The following SRSF5 variants were observed in gnomAD, a reference collection of about 807,000 sequenced individuals.
The protein encoded by SRSF5 is serine and arginine rich splicing factor 5.
SRSF5 carries 5 observed loss-of-function variants against 34.0 expected under a neutral mutation model. That is an observed-to-expected ratio of 0.15 (90% CI 0.08 to 0.31). The LOEUF (loss-of-function observed/expected upper bound fraction) is 0.31, where lower values mean the gene tolerates loss of function less well. SRSF5 is among the 10% of genes least tolerant of loss of function. SRSF5 has a pLI of 1.00. For synonymous variants in SRSF5, 164 were observed against 117.7 expected, an observed-to-expected ratio of 1.39 and a Z score of -2.55; for missense variants, 223 against 351.4, an observed-to-expected ratio of 0.63 and a Z score of 2.92.
At chr14:69,767,864 C>T (rs985283914) in intron 1 of SRSF5, 23 of 402,084 alleles carry the variant, frequency 5.7e-5, no homozygotes, top group South Asian at 4.5e-4. Context: ...GGGAGGGGGC[C>T]GGAGAGCCCG....
rs1264289767 is a variant in SRSF5 at position 69,768,783 on chromosome 14, C to T, written c.198-15C>T. On this transcript the variant is annotated splice_polypyrimidine_tract_variant and intron_variant, in intron 3 of 7. Transcript: ENST00000557154. ...GCTTAAGTGTGTAACGGAGATTTTT[C>T]TTCCCTTTTTGTAGGGTTACTATTG... 2 of 1,613,630 alleles carry T rather than the reference C, an allele frequency of 1.2e-6. No individual in the cohort carries two copies. The highest frequency in any genetic ancestry group is 8.5e-7 in the Non-Finnish European group (1 of 1,179,694).
Position 69,771,274 on chromosome 14 carries a change from C to G in SRSF5, c.632C>G (p.Ser211Cys), listed in dbSNP as rs1265006691. 6.2e-7 allele frequency: 1 copy of G among 1,614,124 alleles called. No homozygotes were observed. The highest frequency in any genetic ancestry group is 1.3e-5 in the African/African-American group (1 of 75,022). ...CGATCCCGTTCCCGTAGTCGCAAAT[C>G]TTACAGCCGGTCAAGAAGCAGGAGC... ...RSRSRSRSRKSYSRSRSRSRS... is the reference protein window; with the variant it reads ...RSRSRSRSRKCYSRSRSRSRS... The change falls in exon 8 of 8, where the codon TCT becomes TGT. Residue 211 changes from serine to cysteine, a missense_variant. Physicochemically the swap from Ser to Cys is moderately radical, Grantham distance 112 (BLOSUM62 -1). Around this residue, in one of 4 missense-constraint regions of SRSF5, gnomAD observed 115 missense variants for 119.7 expected, o/e 0.96. Coordinates refer to ENST00000557154, the MANE Select transcript of SRSF5 (RefSeq NM_001320214.2).
chr14:69,767,950 C>T, intron 1 of SRSF5, 188 bp from the exon 2 acceptor site: 1 of 575,456 alleles, frequency 1.7e-6, no homozygotes, highest in Non-Finnish European at 3.0e-6. Context: ...AGTAGCGGAC[C>T]GTGTTGGGAG....
At chr14:69,770,403 A>T in intron 5 of SRSF5, 64 bp from the exon 6 acceptor site, 4 of 1,579,472 alleles carry the variant, frequency 2.5e-6, no homozygotes, top group Admixed American at 3.8e-5. Context: ...TTTTTTTTAT[A>T]TCATGTGATT....
chr14:69,769,038 A>C lies in SRSF5; in HGVS notation c.296+142A>C, dbSNP rs781197914. 7.8e-5 allele frequency: 100 copies of C among 1,281,658 alleles called. 1 individual carries two copies. In the Middle Eastern group the frequency reaches 2.0e-3, roughly 26 times the overall value. 79.4% of individuals were successfully genotyped at this position (1,281,658 alleles called of 1,614,324 possible). ...CACGTTAGCCAGTTGTTCTTGATGA[A>C]TCTATATGAGTCATAGAACACAAAT... is the stretch of plus-strand genomic sequence containing the variant. On this transcript the variant is annotated intron_variant, in intron 4 of 7. Transcript: ENST00000557154.
At chr14:69,770,850 T>C (rs531365036) in intron 6 of SRSF5, 145 bp from the exon 7 acceptor site, 1 of 786,606 alleles carries the variant, frequency 1.3e-6, no homozygotes, top group South Asian at 1.9e-5. Flanking sequence ...AAAACTTTGC[T>C]CTTTTAATGC....
chr14:69,767,700 C>A (rs1283630857), intron 1 of SRSF5: 2 of 363,586 alleles, frequency 5.5e-6, no homozygotes, highest in Non-Finnish European at 5.5e-6. Flanking sequence ...GCAGAGCGCC[C>A]GCCCGCTGCT....
At chr14:69,767,741 G>C (rs61343418) in intron 1 of SRSF5, 1 of 356,890 alleles carries the variant, frequency 2.8e-6, no homozygotes, top group Non-Finnish European at 5.5e-6. Context: ...GGCGTCGCGA[G>C]ATTCTGGCTT....
intron 2 of SRSF5, 80 bp downstream of exon 2, chr14:69,768,362 G>A: frequency 1.3e-6 from 2 of 1,576,376 alleles, no homozygotes; most frequent in Non-Finnish European, 8.7e-7. Context: ...TTGAGTCCGG[G>A]TGGAATATTT....
At chr14:69,768,970 G>C (rs754797752) in intron 4 of SRSF5, 74 bp downstream of exon 4, 7 of 1,508,240 alleles carry the variant, frequency 4.6e-6, no homozygotes, top group Non-Finnish European at 6.4e-6. Context: ...GTCATTAGCA[G>C]TGATGATTTT....
At chr14:69,767,682 T>A (rs1031800889) in intron 1 of SRSF5, 3 of 365,438 alleles carry the variant, frequency 8.2e-6, no homozygotes, top group Admixed American at 3.5e-5. Context: ...CGCCGCCATT[T>A]TGTGGCCGCA....
intron 4 of SRSF5, 121 bp from the exon 5 acceptor site, chr14:69,769,061 A>G (rs1215287504): frequency 1.1e-5 from 15 of 1,345,750 alleles, no homozygotes; most frequent in African/African-American, 4.3e-5. Flanking sequence ...ATAGAACACA[A>G]ATCTATTGAC....
chr14:69,768,359 C>T (rs980132461), intron 2 of SRSF5, 77 bp downstream of exon 2: 30 of 1,574,804 alleles, frequency 1.9e-5, no homozygotes, highest in Middle Eastern at 1.8e-4. Context: ...ATCTTGAGTC[C>T]GGGTGGAATA....
At chr14:69,767,614 T>C (rs1159659967) in intron 1 of SRSF5, 1 of 448,190 alleles carries the variant, frequency 2.2e-6, no homozygotes, top group East Asian at 7.0e-5. Flanking sequence ...AGGGGGTTGC[T>C]GGGAGGAGAA....
rs149935579 is a variant in SRSF5 at position 69,767,587 on chromosome 14, C to T, written c.-20+332C>T. On this transcript the variant is annotated intron_variant, in intron 1 of 7. Coordinates refer to ENST00000557154, the MANE Select transcript of SRSF5 (RefSeq NM_001320214.2). ...GCGGCTGGGCCTTTTGTAGGGCGGC[C>T]GCAGTGACCCCCGAGAAGGGGGTTG... is the stretch of plus-strand genomic sequence containing the variant. The T allele has an allele frequency of 9.0e-4, 408 of 454,096 alleles. 2 individuals carry two copies. Among genetic ancestry groups the T allele is most frequent in the African/African-American group, 7.3e-3 (365 of 49,988 alleles). The allele number at this position is 454,096 out of a possible 1,614,324, so 28.1% of individuals were successfully genotyped here.
chr14:69,767,874 G>A (rs548707066), intron 1 of SRSF5: 1 of 424,384 alleles, frequency 2.4e-6, no homozygotes, highest in Non-Finnish European at 4.4e-6. Flanking sequence ...CGGAGAGCCC[G>A]GAGAGTGTGC....
chr14:69,769,866 C>A, intron 5 of SRSF5: 1 of 1,225,890 alleles, frequency 8.2e-7, no homozygotes. Context: ...TCGAGTAGAA[C>A]ATGTCTGCAT....
chr14:69,769,036 G>GA (rs1249364828), intron 4 of SRSF5, 140 bp downstream of exon 4: 8 of 1,271,088 alleles, frequency 6.3e-6, no homozygotes, highest in Non-Finnish European at 4.5e-6. Flanking sequence ...TGTTCTTGAT[G>GA]AATCTATATG....
chr14:69,768,726 T>G (rs1227542967), intron 3 of SRSF5, 52 bp downstream of exon 3: 3 of 1,610,306 alleles, frequency 1.9e-6, no homozygotes, highest in Non-Finnish European at 8.5e-7. Context: ...AGACTGGGTC[T>G]GCTGGCATAT....
Sources: allele counts gnomAD v4.1 joint callset, GRCh38; gene constraint gnomAD v4.1.1; regional missense constraint gnomAD v4.1.1; transcripts MANE v1.5; gene names NCBI Gene and HGNC (gene_info 2026-07-23, HGNC 2026-07-21).